NTNG1: variants seen among roughly 807,000 people sequenced by gnomAD.
The protein encoded by NTNG1 is netrin-G1.
A neutral mutation model predicts 54.0 loss-of-function variants in NTNG1; 16 were observed. That is an observed-to-expected ratio of 0.30 (90% CI 0.20 to 0.45). NTNG1 has a LOEUF of 0.45. NTNG1 is among the 20% of genes least tolerant of loss of function. The probability of loss-of-function intolerance (pLI) is 1.00; values close to 1 mark genes in which losing one functional copy is unlikely to be tolerated. For synonymous variants in NTNG1, 255 were observed against 263.1 expected (o/e 0.97, Z 0.30); for missense variants, 530 against 678.7 (o/e 0.78, Z 2.43).
intron 2 of NTNG1, among the ~76,000 whole-genome samples, chr1:107,204,977 T>A (rs1466740885): frequency 6.6e-6 from 1 of 152,100 alleles, no homozygotes; most frequent in Non-Finnish European, 1.5e-5. Flanking sequence ...CTCACTTACA[T>A]GAAGCACCTC....
At chr1:107,462,161 C>T (rs1267591426) in intron 7 of NTNG1, among the ~76,000 whole-genome samples, 1 of 152,244 alleles carries the variant, frequency 6.6e-6, no homozygotes, top group Non-Finnish European at 1.5e-5. Context: ...TTTTCTATTG[C>T]CCTTGCCACA....
intron 6 of NTNG1, among the ~76,000 whole-genome samples, chr1:107,433,206 T>C (rs929388055): frequency 2.0e-5 from 3 of 152,190 alleles, no homozygotes; most frequent in Admixed American, 6.5e-5. Flanking sequence ...CCAAGCGAAG[T>C]ACTTGGTGAA....
chr1:107,229,118 T>C (rs1231638179), intron 2 of NTNG1, among the ~76,000 whole-genome samples: 1 of 152,048 alleles, frequency 6.6e-6, no homozygotes, highest in East Asian at 1.9e-4. Flanking sequence ...TGATTGGAAC[T>C]GCTCATATTG....
intron 2 of NTNG1, among the ~76,000 whole-genome samples, chr1:107,221,935 T>G (rs1026507918): frequency 5.3e-5 from 8 of 152,164 alleles, no homozygotes; most frequent in African/African-American, 1.9e-4. Context: ...TTCCAACCTT[T>G]CCTTCCCTCC....
chr1:107,272,115 G>A (rs1664184333), intron 2 of NTNG1, among the ~76,000 whole-genome samples: 1 of 152,054 alleles, frequency 6.6e-6, no homozygotes, highest in Non-Finnish European at 1.5e-5. Flanking sequence ...TATTTATCGA[G>A]CACCTCGTTG....
Position 107,147,234 on chromosome 1 carries a change from G to A in NTNG1, c.-525-835G>A, listed in dbSNP as rs546928874. Among the ~76,000 whole-genome samples, 72 of 152,100 alleles carry A rather than the reference G, an allele frequency of 4.7e-4. No homozygotes were observed. The South Asian group carries it at 0.014, about 30-fold the overall frequency. On this transcript the variant is annotated intron_variant, in intron 1 of 7. Coordinates refer to ENST00000370068, the MANE Select transcript of NTNG1 (RefSeq NM_001113226.3). ...CTTAGAATTAGTGCCATATTATTCTGCTTCATGGCCTGTTAACTCACCCTC... is the reference window on the plus strand; with the variant it reads ...CTTAGAATTAGTGCCATATTATTCTACTTCATGGCCTGTTAACTCACCCTC...
chr1:107,387,184 ATAGT>A (rs1331646234), intron 3 of NTNG1, among the ~76,000 whole-genome samples: 2 of 152,226 alleles, frequency 1.3e-5, no homozygotes, highest in Non-Finnish European at 2.9e-5. Context: ...CCATTTTGAT[ATAGT>A]TAAATTGTTC....
At chr1:107,381,577 T>G (rs951896685) in intron 3 of NTNG1, among the ~76,000 whole-genome samples, 4 of 152,194 alleles carry the variant, frequency 2.6e-5, no homozygotes, top group African/African-American at 9.7e-5. Context: ...TGCTGCTCAA[T>G]CCATTGTTTT....
At chr1:107,154,870 C>G (rs1654863545) in intron 2 of NTNG1, among the ~76,000 whole-genome samples, 2 of 151,972 alleles carry the variant, frequency 1.3e-5, no homozygotes, top group South Asian at 4.2e-4. Context: ...GCTTATCTAC[C>G]TGGAACTCCA....
intron 2 of NTNG1, among the ~76,000 whole-genome samples, chr1:107,233,013 T>G (rs775219060): frequency 6.6e-6 from 1 of 152,228 alleles, no homozygotes; most frequent in African/African-American, 2.4e-5. Flanking sequence ...TAGCTTTTTA[T>G]CATTTTAATT....
chr1:107,452,399 A>G (rs1047634944), intron 7 of NTNG1, among the ~76,000 whole-genome samples: 6 of 152,190 alleles, frequency 3.9e-5, no homozygotes, highest in African/African-American at 1.4e-4. Flanking sequence ...CTTACTATGG[A>G]TTCCTTAAAA....
chr1:107,373,855 C>T (rs1283596647), intron 3 of NTNG1, among the ~76,000 whole-genome samples: 3 of 152,044 alleles, frequency 2.0e-5, no homozygotes, highest in Admixed American at 1.3e-4. Flanking sequence ...TGTGCCACAA[C>T]ATCTGGCTAT....
At chr1:107,444,022 TAGAA>T (rs1245254695) in intron 7 of NTNG1, among the ~76,000 whole-genome samples, 2 of 151,868 alleles carry the variant, frequency 1.3e-5, no homozygotes. Flanking sequence ...AGACAGGAAA[TAGAA>T]AGTGGCAATT....
At position 107,342,871 on chromosome 1, in the gene NTNG1, C is replaced by A. The variant is rs149085661; in HGVS notation, c.887+17949C>A. ...AACGACCAATAAATAATCAAACGAT[C>A]CTCTCCAGAATATCTTTGCTAACAT... On this transcript the variant is annotated intron_variant, in intron 3 of 7. Transcript: ENST00000370068. 4.8e-3 allele frequency among the ~76,000 whole-genome samples: 734 copies of A among 152,130 alleles called. 7 individuals are homozygous for A. Among genetic ancestry groups the A allele is most frequent in the African/African-American group, 0.017 (701 of 41,518 alleles).
intron 2 of NTNG1, among the ~76,000 whole-genome samples, chr1:107,149,779 A>G (rs909649502): frequency 1.3e-5 from 2 of 151,852 alleles, no homozygotes; most frequent in African/African-American, 4.8e-5. Flanking sequence ...TTTTTTAATT[A>G]TAGGTGGTTT....
At position 107,194,520 on chromosome 1, in the gene NTNG1, G is replaced by C. The variant is rs1034231403; in HGVS notation, c.246+45681G>C. Reference sequence around the variant, plus strand: ...CTTTCTCTCATATATTTTTATCTGAGAGGAAAGAGACAGCCCCAGTTACTG... The same window carrying C: ...CTTTCTCTCATATATTTTTATCTGACAGGAAAGAGACAGCCCCAGTTACTG... On this transcript the variant is annotated intron_variant, in intron 2 of 7. Coordinates refer to ENST00000370068, the MANE Select transcript of NTNG1 (RefSeq NM_001113226.3). Among the ~76,000 whole-genome samples, 7 of 151,986 alleles carry C rather than the reference G, an allele frequency of 4.6e-5. 1 individual carries two copies. The highest frequency in any genetic ancestry group is 1.7e-4 in the African/African-American group (7 of 41,482).
intron 2 of NTNG1, among the ~76,000 whole-genome samples, chr1:107,224,093 CT>C (rs1660524307): frequency 6.6e-6 from 1 of 152,152 alleles, no homozygotes; most frequent in African/African-American, 2.4e-5. Flanking sequence ...GGCTAAATAA[CT>C]TAAGCTAACA....
At chr1:107,305,317 C>T (rs530959563) in intron 2 of NTNG1, among the ~76,000 whole-genome samples, 1 of 152,168 alleles carries the variant, frequency 6.6e-6, no homozygotes, top group Non-Finnish European at 1.5e-5. Context: ...GCCACACTGT[C>T]TTCCACAATG....
intron 2 of NTNG1, among the ~76,000 whole-genome samples, chr1:107,296,596 C>T (rs139729736): frequency 0.019 from 2,729 of 146,648 alleles, 81 homozygotes; most frequent in African/African-American, 0.063. Flanking sequence ...TATATGAAAT[C>T]GATGTTATTT....
Sources: gnomAD v4.1 joint callset for allele counts (sites outside exome capture counted in the v4.1 genomes callset) on GRCh38, gnomAD v4.1.1 for gene constraint, MANE v1.5 for transcripts, NCBI Gene and HGNC (gene_info 2026-07-23, HGNC 2026-07-21) for gene names.